The following ANKRD12 variants were observed in gnomAD, a reference collection of about 807,000 sequenced individuals.
ANKRD12 encodes ankyrin repeat domain-containing protein 12.
ANKRD12 carries 85 observed loss-of-function variants against 183.4 expected under a neutral mutation model. The observed-to-expected ratio is 0.46, with a 90% CI of 0.39 to 0.56. The LOEUF is 0.56. Ranked by LOEUF, ANKRD12 falls within the 20% of genes least tolerant of loss-of-function variation. The pLI is 0.00. For synonymous variants in ANKRD12, 914 were observed against 800.2 expected (o/e 1.14, Z -2.40); for missense variants, 2,405 against 2,357.1 (o/e 1.02, Z -0.42).
intron 7 of ANKRD12, among the ~76,000 whole-genome samples, chr18:9,220,052 AGTT>A (rs774744707): frequency 2.2e-4 from 34 of 152,312 alleles, no homozygotes; most frequent in Non-Finnish European, 4.6e-4. Context: ...ATCATGAGTA[AGTT>A]GTTTTCTTTA....
At chr18:9,158,373 T>G (rs2030913455) in intron 1 of ANKRD12, among the ~76,000 whole-genome samples, 2 of 152,298 alleles carry the variant, frequency 1.3e-5, no homozygotes, top group Non-Finnish European at 1.5e-5. Flanking sequence ...CGCATTACAT[T>G]TAGTTATCAT....
At chr18:9,264,438 C>T (rs927506869) in intron 10 of ANKRD12, among the ~76,000 whole-genome samples, 2 of 152,140 alleles carry the variant, frequency 1.3e-5, no homozygotes, top group Non-Finnish European at 2.9e-5. Context: ...GTGGTGTAAA[C>T]TATGATCCTT....
chr18:9,187,830 TATTA>T (rs2034193136), intron 2 of ANKRD12, among the ~76,000 whole-genome samples: 1 of 152,216 alleles, frequency 6.6e-6, no homozygotes, highest in African/African-American at 2.4e-5. Flanking sequence ...AGAGAGGGGA[TATTA>T]ATTATTTTAA....
chr18:9,160,478 C>G (rs924428349), intron 1 of ANKRD12, among the ~76,000 whole-genome samples: 1 of 152,190 alleles, frequency 6.6e-6, no homozygotes, highest in African/African-American at 2.4e-5. Flanking sequence ...GCAGCTATTG[C>G]CACTGCCTGA....
Position 9,230,784 on chromosome 18 carries a change from G to A in ANKRD12, c.943+8785G>A, listed in dbSNP as rs1191722098. On this transcript the variant is annotated intron_variant, in intron 8 of 12. Transcript: ENST00000262126. ...AGAGATTCTCCTGCCTCAGCCTCCC[G>A]AGCAGCTGGGACTACAGATGCGTGC... Among the ~76,000 whole-genome samples the A allele has an allele frequency of 4.6e-5, 7 of 151,262 alleles. No individual in the cohort carries two copies. The East Asian group carries it at 5.8e-4, about 13-fold the overall frequency.
At chr18:9,140,627 T>A (rs1163772914) in intron 1 of ANKRD12, among the ~76,000 whole-genome samples, 1 of 152,224 alleles carries the variant, frequency 6.6e-6, no homozygotes, top group Non-Finnish European at 1.5e-5. Flanking sequence ...AAGGAGGAGA[T>A]GATTTCCTTT....
intron 4 of ANKRD12, among the ~76,000 whole-genome samples, chr18:9,206,388 A>G (rs1454890495): frequency 2.0e-5 from 3 of 152,004 alleles, no homozygotes; most frequent in African/African-American, 7.2e-5. Context: ...GATATATAAT[A>G]TATTATCATT....
At chr18:9,270,936 C>T (rs1329399242) in intron 10 of ANKRD12, among the ~76,000 whole-genome samples, 2 of 152,160 alleles carry the variant, frequency 1.3e-5, no homozygotes, top group East Asian at 3.9e-4. Context: ...TGTGGTGGCT[C>T]AGTAACTACT....
intron 8 of ANKRD12, among the ~76,000 whole-genome samples, chr18:9,232,402 T>C (rs1156796039): frequency 6.6e-6 from 1 of 152,208 alleles, no homozygotes; most frequent in Non-Finnish European, 1.5e-5. Context: ...GTAGTATCTT[T>C]GGGTGACATT....
chr18:9,270,611 G>A (rs1318581726), intron 10 of ANKRD12, among the ~76,000 whole-genome samples: 2 of 152,172 alleles, frequency 1.3e-5, no homozygotes, highest in African/African-American at 2.4e-5. Context: ...ACCAGGGCCT[G>A]TTGTGGGGTG....
intron 2 of ANKRD12, among the ~76,000 whole-genome samples, chr18:9,189,128 A>G (rs1009515437): frequency 3.9e-5 from 6 of 152,236 alleles, no homozygotes; most frequent in Admixed American, 6.5e-5. Flanking sequence ...TGAACACACC[A>G]TAAGAAAGCA....
At chr18:9,214,360 TA>T (rs145346437) in intron 6 of ANKRD12, among the ~76,000 whole-genome samples, 9,632 of 152,116 alleles carry the variant, frequency 0.063, 330 homozygotes, top group Non-Finnish European at 0.079. Context: ...CATAGCTGCA[TA>T]AAATTTACTG....
intron 2 of ANKRD12, among the ~76,000 whole-genome samples, chr18:9,186,123 C>T (rs1314646344): frequency 1.3e-5 from 2 of 150,256 alleles, no homozygotes; most frequent in Admixed American, 1.3e-4. Context: ...GAATATTGCC[C>T]TCCTAAAAGT....
At chr18:9,280,420 C>T (rs529221094) in intron 12 of ANKRD12, among the ~76,000 whole-genome samples, 8 of 152,226 alleles carry the variant, frequency 5.3e-5, no homozygotes, top group Admixed American at 3.3e-4. Flanking sequence ...GTTGGGGACC[C>T]GTGCTGTATA....
intron 3 of ANKRD12, among the ~76,000 whole-genome samples, chr18:9,202,610 A>C (rs2035240129): frequency 6.6e-6 from 1 of 152,228 alleles, no homozygotes; most frequent in African/African-American, 2.4e-5. Context: ...TGGTTTTAAA[A>C]TACAAGTGTC....
chr18:9,165,861 C>A (rs1197945680), intron 1 of ANKRD12, among the ~76,000 whole-genome samples: 7 of 115,076 alleles, frequency 6.1e-5, no homozygotes, highest in Admixed American at 2.0e-4. Flanking sequence ...TAATGCTATC[C>A]CTCCCCCCCT....
chr18:9,208,855 A>C (rs746584558), intron 5 of ANKRD12, 52 bp downstream of exon 5: 1 of 1,422,312 alleles, frequency 7.0e-7, no homozygotes, highest in Non-Finnish European at 9.3e-7. Flanking sequence ...TCCTCAGGCA[A>C]CTGTAGTCTC....
At chr18:9,247,723 C>T (rs980576014) in intron 8 of ANKRD12, among the ~76,000 whole-genome samples, 1 of 152,016 alleles carries the variant, frequency 6.6e-6, no homozygotes, top group African/African-American at 2.4e-5. Flanking sequence ...GATAAATCTC[C>T]CTGATAAATT....
At position 9,145,155 on chromosome 18, in the gene ANKRD12, C is replaced by A. The variant is rs192290799; in HGVS notation, c.-52+8190C>A. 1.5e-3 allele frequency among the ~76,000 whole-genome samples: 228 copies of A among 152,264 alleles called. 2 individuals carry two copies. The highest frequency in any genetic ancestry group is 5.3e-3 in the African/African-American group (221 of 41,556). On this transcript the variant is annotated intron_variant, in intron 1 of 12. Coordinates refer to ENST00000262126, the MANE Select transcript of ANKRD12 (RefSeq NM_015208.5). ...TTTTATTTTTAGGTATGGGTTCTTG[C>A]TCTGTTGCCCAGGCTGGAGTGCAGT...
Sources: allele counts gnomAD v4.1 joint callset (sites outside exome capture counted in the v4.1 genomes callset), GRCh38; gene constraint gnomAD v4.1.1; transcripts MANE v1.5; gene names NCBI Gene and HGNC (gene_info 2026-07-23, HGNC 2026-07-21).